The following STX18 variants were observed in gnomAD, a reference collection of about 807,000 sequenced individuals.
STX18 encodes syntaxin 18, also known as syntaxin-18.
Under a neutral mutation model 50.1 loss-of-function variants are expected in STX18, and 40 were observed. The observed-to-expected ratio is 0.80, with a 90% CI of 0.62 to 1.04. STX18 has a LOEUF of 1.04. Among genes scored for constraint, STX18 ranks in the 50% least tolerant of loss-of-function variants. The pLI, the probability that STX18 is intolerant of heterozygous loss-of-function variation, is 0.00. For synonymous variants in STX18, 158 were observed against 151.8 expected (o/e 1.04, Z -0.30); for missense variants, 410 against 415.8 (o/e 0.99, Z 0.12).
chr4:4,423,391 CTG>C, intron 9 of STX18, 125 bp downstream of exon 9: 1 of 893,148 alleles, frequency 1.1e-6, no homozygotes, highest in South Asian at 1.4e-5. Flanking sequence ...GCACACACAC[CTG>C]CTAGCAACAC....
At position 4,456,559 on chromosome 4, in the gene STX18, T is replaced by C. The variant is rs528821404; in HGVS notation, c.497+632A>G. On this transcript the variant is annotated intron_variant, in intron 5 of 10. Coordinates refer to ENST00000306200, the MANE Select transcript of STX18 (RefSeq NM_016930.4). Reference sequence around the variant, plus strand: ...GCTTCCTGTGGCCTTGGATGAGTCATTTACCCTGCTGGAGCGTCAGCGTCC... The same window carrying C: ...GCTTCCTGTGGCCTTGGATGAGTCACTTACCCTGCTGGAGCGTCAGCGTCC... Among the ~76,000 whole-genome samples, 3 of 152,268 alleles carry C rather than the reference T, an allele frequency of 2.0e-5. No individual in the cohort carries two copies. The East Asian group carries it at 5.8e-4, about 29-fold the overall frequency.
intron 5 of STX18, among the ~76,000 whole-genome samples, chr4:4,455,165 G>A (rs1028552173): frequency 5.9e-5 from 9 of 152,168 alleles, no homozygotes; most frequent in African/African-American, 1.9e-4. Flanking sequence ...CCACTTGATC[G>A]TACCATTTCC....
At chr4:4,424,026 A>G (rs909722578) in intron 8 of STX18, among the ~76,000 whole-genome samples, 1 of 152,202 alleles carries the variant, frequency 6.6e-6, no homozygotes, top group African/African-American at 2.4e-5. Flanking sequence ...CAGCTTTGTT[A>G]ATGCTCAGCA....
At chr4:4,486,793 C>G (rs778695220) in intron 1 of STX18, among the ~76,000 whole-genome samples, 1 of 152,224 alleles carries the variant, frequency 6.6e-6, no homozygotes, top group Non-Finnish European at 1.5e-5. Flanking sequence ...AATATCAACT[C>G]TATCTTTAAA....
intron 1 of STX18, among the ~76,000 whole-genome samples, chr4:4,501,625 G>A (rs572933551): frequency 6.6e-6 from 1 of 152,272 alleles, no homozygotes; most frequent in Admixed American, 6.5e-5. Context: ...GACACCGAGT[G>A]TTTGGGATCA....
rs1056165789 is a variant in STX18 at position 4,419,798 on chromosome 4, C to T, written c.*236G>A. On this transcript the variant is annotated 3_prime_UTR_variant, in exon 11 of 11. Coordinates refer to ENST00000306200, the MANE Select transcript of STX18 (RefSeq NM_016930.4). ...AGTCTGTCTTGCCTGATGAGGGCTA[C>T]GCAGGCTGCCTCCCATTGGTGTGCA... The T allele has an allele frequency of 6.5e-5, 30 of 459,964 alleles. No individual in the cohort carries two copies. The highest frequency in any genetic ancestry group is 9.9e-5 in the Non-Finnish European group (25 of 251,346). The allele number at this position is 459,964 out of a possible 1,614,324, so 28.5% of individuals were successfully genotyped here.
chr4:4,514,997 A>T (rs1341995048), intron 1 of STX18, among the ~76,000 whole-genome samples: 1 of 152,178 alleles, frequency 6.6e-6, no homozygotes, highest in Non-Finnish European at 1.5e-5. Context: ...AAGTTTCACA[A>T]GTAAATGTCT....
intron 6 of STX18, among the ~76,000 whole-genome samples, chr4:4,438,134 G>A (rs1203254047): frequency 2.0e-5 from 3 of 152,174 alleles, no homozygotes; most frequent in Admixed American, 6.5e-5. Context: ...GACAGCTCCC[G>A]GCCTCACCCC....
intron 7 of STX18, among the ~76,000 whole-genome samples, chr4:4,433,577 C>A (rs555394262): frequency 7.9e-4 from 118 of 149,010 alleles, no homozygotes; most frequent in Middle Eastern, 3.5e-3. Flanking sequence ...CTGTTCTGGG[C>A]TCTGGGTGAG....
At chr4:4,439,503 C>T (rs182737108) in intron 5 of STX18, among the ~76,000 whole-genome samples, 5 of 129,476 alleles carry the variant, frequency 3.9e-5, no homozygotes, top group East Asian at 2.3e-4. Context: ...CTCATATATA[C>T]CCCCACATAT....
At chr4:4,532,752 C>T (rs981365118) in intron 1 of STX18, among the ~76,000 whole-genome samples, 32 of 152,338 alleles carry the variant, frequency 2.1e-4, no homozygotes, top group African/African-American at 7.7e-4. Flanking sequence ...TCGAAACGTA[C>T]ACTTTTTAAT....
chr4:4,541,640 C>A (rs973263164), intron 1 of STX18, among the ~76,000 whole-genome samples, 157 bp downstream of exon 1: 1 of 152,030 alleles, frequency 6.6e-6, no homozygotes, highest in African/African-American at 2.4e-5. Context: ...TTCCTTCCCC[C>A]AAAAAGCTGT....
intron 6 of STX18, among the ~76,000 whole-genome samples, chr4:4,435,594 G>A (rs1040356723): frequency 6.6e-5 from 10 of 152,128 alleles, no homozygotes; most frequent in Admixed American, 3.3e-4. Context: ...ATATTCCATC[G>A]TGAGGATACA....
intron 2 of STX18, among the ~76,000 whole-genome samples, chr4:4,462,166 T>C (rs1304597047): frequency 6.6e-6 from 1 of 151,988 alleles, no homozygotes; most frequent in Non-Finnish European, 1.5e-5. Context: ...CATTTCTTTC[T>C]TTCTCCCTCC....
chr4:4,478,025 A>T (rs1337547619), intron 1 of STX18: 1 of 152,180 alleles, frequency 6.6e-6, no homozygotes, highest in Non-Finnish European at 1.5e-5. Context: ...AAACCTAAGC[A>T]AGGTCACAAG....
chr4:4,471,186 C>T (rs773230874), intron 2 of STX18, among the ~76,000 whole-genome samples: 1 of 152,124 alleles, frequency 6.6e-6, no homozygotes, highest in Non-Finnish European at 1.5e-5. Context: ...CATGATCCAG[C>T]GACGTGAGGG....
At chr4:4,491,410 C>A (rs868792799) in intron 1 of STX18, among the ~76,000 whole-genome samples, 1 of 152,012 alleles carries the variant, frequency 6.6e-6, no homozygotes, top group East Asian at 1.9e-4. Flanking sequence ...ATAATACTAA[C>A]GTAGGAAAAA....
intron 1 of STX18, among the ~76,000 whole-genome samples, chr4:4,515,552 A>T (rs981473781): frequency 6.6e-6 from 1 of 152,124 alleles, no homozygotes; most frequent in Non-Finnish European, 1.5e-5. Flanking sequence ...AATACTATAC[A>T]CTGTATTTTA....
intron 1 of STX18, among the ~76,000 whole-genome samples, chr4:4,492,360 T>G (rs917462806): frequency 7.9e-5 from 12 of 152,172 alleles, no homozygotes; most frequent in African/African-American, 2.9e-4. Context: ...ACTTTTGAAT[T>G]GTGTGCATAG....
Sources: allele counts gnomAD v4.1 joint callset (sites outside exome capture counted in the v4.1 genomes callset), GRCh38; gene constraint gnomAD v4.1.1; transcripts MANE v1.5; gene names NCBI Gene and HGNC (gene_info 2026-07-23, HGNC 2026-07-21).